The following AIF1L variants were observed in gnomAD, a reference collection of about 807,000 sequenced individuals.
AIF1L encodes the protein allograft inflammatory factor 1 like, also known as allograft inflammatory factor 1-like.
In AIF1L, 12 loss-of-function variants were observed where a neutral mutation model predicts 20.7. The ratio of observed to expected loss-of-function variants is 0.58; its 90% confidence interval spans 0.37 to 0.94. AIF1L has a LOEUF of 0.94. Ranked by LOEUF, AIF1L falls within the 40% of genes least tolerant of loss-of-function variation. AIF1L has a pLI of 0.01. For synonymous variants in AIF1L, 76 were observed against 65.1 expected (o/e 1.17, Z -0.81); for missense variants, 173 against 185.3 (o/e 0.93, Z 0.39).
intron 2 of AIF1L, among the ~76,000 whole-genome samples, chr9:131,110,678 A>T (rs192328348): frequency 6.6e-6 from 1 of 151,082 alleles, no homozygotes. Context: ...TAATTTTTGT[A>T]TTTTTATAGA....
At chr9:131,119,687 T>C (rs1404568263) in intron 5 of AIF1L, among the ~76,000 whole-genome samples, 1 of 152,220 alleles carries the variant, frequency 6.6e-6, no homozygotes, top group Non-Finnish European at 1.5e-5. Context: ...CCAGATCTTC[T>C]AGCACCCCAC....
intron 2 of AIF1L, chr9:131,103,049 G>T: frequency 2.2e-6 from 1 of 453,714 alleles, no homozygotes; most frequent in Non-Finnish European, 4.4e-6. Flanking sequence ...GGCTTCTGAG[G>T]ACAGGCACGG....
At chr9:131,096,698 C>T (rs1212487116) in intron 1 of AIF1L, 38 bp downstream of exon 1, 1 of 1,449,418 alleles carries the variant, frequency 6.9e-7, no homozygotes, top group African/African-American at 1.5e-5. Context: ...CCTGTGCGCG[C>T]CGGGCGGACC....
chr9:131,105,673 A>G (rs982458821), intron 2 of AIF1L, among the ~76,000 whole-genome samples: 4 of 152,188 alleles, frequency 2.6e-5, no homozygotes, highest in African/African-American at 9.6e-5. Flanking sequence ...TCTAAGGAAA[A>G]ATAGGATTCC....
rs1386328948 is a variant in AIF1L at position 131,121,875 on chromosome 9, T to C, written c.*1553T>C. ...TCAGCCCCATCTTGGCTGATCAGGG[T>C]GTTCAGCCTTAACCCCACCTGTGTT... On this transcript the variant is annotated 3_prime_UTR_variant, in exon 6 of 6. Transcript: ENST00000247291. 6.6e-6 allele frequency: 1 copy of C among 152,282 alleles called. No homozygotes were observed. The highest frequency in any genetic ancestry group is 1.5e-5 in the Non-Finnish European group (1 of 68,090). 9.4% of individuals were successfully genotyped at this position (152,282 alleles called of 1,614,324 possible).
chr9:131,098,101 ATTGCCTC>A (rs1239089656), intron 2 of AIF1L: 7 of 152,798 alleles, frequency 4.6e-5, no homozygotes, highest in African/African-American at 1.7e-4. Context: ...AGGTTGTGGT[ATTGCCTC>A]TTGCCAGCAG....
intron 2 of AIF1L, chr9:131,106,312 T>C: frequency 7.6e-7 from 1 of 1,321,906 alleles, no homozygotes; most frequent in Non-Finnish European, 1.1e-6. Context: ...ATCCTGCACA[T>C]GTTTATTGAG....
intron 4 of AIF1L, among the ~76,000 whole-genome samples, chr9:131,115,942 C>G (rs1052124479): frequency 1.3e-5 from 2 of 150,066 alleles, no homozygotes; most frequent in African/African-American, 4.9e-5. Context: ...CCATTGCACT[C>G]CAGCCTAGGG....
chr9:131,107,144 C>T (rs1302797380), intron 2 of AIF1L, among the ~76,000 whole-genome samples: 1 of 152,136 alleles, frequency 6.6e-6, no homozygotes, highest in Admixed American at 6.5e-5. Context: ...TGAGCAAAGG[C>T]TTGAAGTTGG....
rs1259039097 is a variant in AIF1L, at chr9:131,096,784, C to T, written c.32-18C>T. On this transcript the variant is annotated intron_variant, in intron 1 of 5. Transcript: ENST00000247291. ...GAAGAGGACCCCGCTTCCCAGGCCG[C>T]CTCTTTGTCTCCTCCAGGAGGGAAG... is the stretch of plus-strand genomic sequence containing the variant. The T allele has an allele frequency of 5.3e-6, 8 of 1,521,092 alleles. No individual in the cohort carries two copies. The highest frequency in any genetic ancestry group is 7.0e-6 in the Non-Finnish European group (8 of 1,137,496). 94.2% of individuals were successfully genotyped at this position (1,521,092 alleles called of 1,614,324 possible).
intron 2 of AIF1L, chr9:131,107,870 A>C (rs1344220651): frequency 6.6e-6 from 1 of 152,284 alleles, no homozygotes; most frequent in Non-Finnish European, 1.5e-5. Context: ...AGTCACAGAC[A>C]AAAGTTAATT....
intron 2 of AIF1L, among the ~76,000 whole-genome samples, chr9:131,097,175 C>T (rs1830549231): frequency 6.6e-6 from 1 of 152,326 alleles, no homozygotes; most frequent in African/African-American, 2.4e-5. Context: ...TTGGGAGCAG[C>T]CCAAGGATTT....
At chr9:131,111,963 C>T in intron 3 of AIF1L, 2 of 432,716 alleles carry the variant, frequency 4.6e-6, no homozygotes, top group East Asian at 8.8e-5. Context: ...TCCGCCGCTG[C>T]CCAGGCCCCG....
intron 5 of AIF1L, among the ~76,000 whole-genome samples, chr9:131,119,506 G>GAAAA (rs10612336): frequency 7.1e-6 from 1 of 140,460 alleles, no homozygotes; most frequent in African/African-American, 2.7e-5. Context: ...TGTCTCAAAA[G>GAAAA]AAAAAAAAAA....
chr9:131,100,546 C>T (rs1588178719), intron 2 of AIF1L, among the ~76,000 whole-genome samples: 1 of 152,218 alleles, frequency 6.6e-6, no homozygotes, highest in African/African-American at 2.4e-5. Context: ...CTTGGCTGGG[C>T]CTCCTGCTGC....
intron 3 of AIF1L, chr9:131,111,976 A>C: frequency 5.2e-6 from 2 of 383,722 alleles, no homozygotes; most frequent in East Asian, 5.1e-5. Flanking sequence ...AGGCCCCGTC[A>C]CTCCCGGGCC....
intron 2 of AIF1L, among the ~76,000 whole-genome samples, chr9:131,109,561 A>G (rs910580469): frequency 6.6e-6 from 1 of 152,134 alleles, no homozygotes; most frequent in Non-Finnish European, 1.5e-5. Context: ...CTCCGTCTCA[A>G]AAAAACAAAA....
rs1831122771 is a variant in AIF1L, at chr9:131,120,871, C to T, written c.*549C>T. ...CCCCAGCTGATCCCCACTCATTCCA[C>T]ACCTCTTCTCATCCTCAGTGATGTG... On this transcript the variant is annotated 3_prime_UTR_variant, in exon 6 of 6. Coordinates refer to ENST00000247291, the MANE Select transcript of AIF1L (RefSeq NM_031426.4). 2.1e-6 allele frequency: 1 copy of T among 478,436 alleles called. No individual in the cohort carries two copies. The highest frequency in any genetic ancestry group is 3.7e-6 in the Non-Finnish European group (1 of 269,408). 29.6% of individuals were successfully genotyped at this position (478,436 alleles called of 1,614,324 possible). A position where few individuals can be genotyped will look rare whatever the true frequency, so the allele number is the denominator to read the frequency against.
chr9:131,118,326 C>A (rs1831059058), intron 5 of AIF1L, among the ~76,000 whole-genome samples: 1 of 152,154 alleles, frequency 6.6e-6, no homozygotes, highest in Non-Finnish European at 1.5e-5. Flanking sequence ...CTCCTGACCT[C>A]AGGTAATCTG....
Sources: gnomAD v4.1 joint callset for allele counts (sites outside exome capture counted in the v4.1 genomes callset) on GRCh38, gnomAD v4.1.1 for gene constraint, MANE v1.5 for transcripts, NCBI Gene and HGNC (gene_info 2026-07-23, HGNC 2026-07-21) for gene names.